The following COL24A1 variants were observed in gnomAD, a reference collection of about 807,000 sequenced individuals.
COL24A1 encodes collagen alpha-1(XXIV) chain.
COL24A1 carries 224 observed loss-of-function variants against 253.9 expected under a neutral mutation model. The ratio of observed to expected loss-of-function variants is 0.88; its 90% CI spans 0.79 to 0.99. The LOEUF is 0.99. Among genes scored for constraint, COL24A1 ranks in the 50% least tolerant of loss-of-function variants. The probability of loss-of-function intolerance (pLI) is 0.00; values close to 1 mark genes in which losing one functional copy is unlikely to be tolerated. For missense variants in COL24A1, 2,131 were observed against 2,068.5 expected, an observed-to-expected ratio of 1.03 and a Z score of -0.59; for synonymous variants, 685 against 673.7, an observed-to-expected ratio of 1.02 and a Z score of -0.26.
chr1:85,858,063 C>G (rs1678659603), intron 37 of COL24A1, among the ~76,000 whole-genome samples: 1 of 152,208 alleles, frequency 6.6e-6, no homozygotes, highest in Admixed American at 6.5e-5. Context: ...TAAAATATGT[C>G]TTGAATCTGA....
At chr1:85,740,246 C>G (rs1664460454) in intron 57 of COL24A1, among the ~76,000 whole-genome samples, 1 of 152,134 alleles carries the variant, frequency 6.6e-6, no homozygotes, top group African/African-American at 2.4e-5. Context: ...AGCTGCTAGA[C>G]AGTAATATGG....
intron 5 of COL24A1, among the ~76,000 whole-genome samples, chr1:86,111,209 C>A (rs150946326): frequency 6.9e-6 from 1 of 143,970 alleles, no homozygotes; most frequent in South Asian, 2.3e-4. Context: ...GTGTCTAGCT[C>A]GGGGTTTGTG....
intron 7 of COL24A1, among the ~76,000 whole-genome samples, chr1:86,074,105 C>T (rs1702071767): frequency 6.6e-6 from 1 of 152,178 alleles, no homozygotes; most frequent in Non-Finnish European, 1.5e-5. Context: ...CAAATTCACA[C>T]ATAACAATAT....
intron 24 of COL24A1, among the ~76,000 whole-genome samples, chr1:85,937,111 G>A (rs748209047): frequency 1.4e-5 from 2 of 147,486 alleles, no homozygotes; most frequent in Non-Finnish European, 3.0e-5. Flanking sequence ...GATCCCTTAC[G>A]ACCAGCTGTC....
chr1:86,009,102 T>C (rs944041193), intron 19 of COL24A1, among the ~76,000 whole-genome samples: 1 of 152,156 alleles, frequency 6.6e-6, no homozygotes, highest in East Asian at 1.9e-4. Context: ...TTAATGAAGC[T>C]AGATAGATTG....
Position 85,784,283 on chromosome 1 carries a change from T to C in COL24A1, c.4143A>G (p.Gly1381=). The change falls in exon 49 of 60, where the codon GGA becomes GGG. Residue 1381 remains glycine, a synonymous_variant. Coordinates refer to ENST00000370571, the MANE Select transcript of COL24A1 (RefSeq NM_152890.7). ...CAGGCTGCCCTTTCAGGCCAGGGTC[T>C]CCACATGGTCCTTGATCACCTTGTG... ...RGAQGDQGPC[G]DPGLKGQPGE... is the part of the protein sequence containing the mutation. The C allele has an allele frequency of 6.2e-7, 1 of 1,614,092 alleles. No homozygotes were observed. The highest frequency in any genetic ancestry group is 8.5e-7 in the Non-Finnish European group (1 of 1,179,968).
chr1:86,131,470 G>C (rs542325511), intron 2 of COL24A1, among the ~76,000 whole-genome samples: 3 of 151,532 alleles, frequency 2.0e-5, no homozygotes, highest in Non-Finnish European at 2.9e-5. Context: ...CCATTAACTC[G>C]TCATTAACAT....
At chr1:85,815,651 T>C (rs975915538) in intron 47 of COL24A1, among the ~76,000 whole-genome samples, 39 of 152,032 alleles carry the variant, frequency 2.6e-4, no homozygotes, top group African/African-American at 7.0e-4. Context: ...AGAATATTAA[T>C]TTGTATTTAA....
chr1:86,056,237 G>A (rs1267033353), intron 10 of COL24A1, among the ~76,000 whole-genome samples: 2 of 152,010 alleles, frequency 1.3e-5, no homozygotes, highest in Non-Finnish European at 2.9e-5. Flanking sequence ...AAAAGTACAT[G>A]ACTTTTCCTC....
At chr1:86,022,653 A>G in intron 16 of COL24A1, 62 bp from the exon 17 acceptor site, 3 of 1,501,600 alleles carry the variant, frequency 2.0e-6, no homozygotes, top group South Asian at 1.2e-5. Flanking sequence ...TATTATAAGA[A>G]AGCAAATATT....
chr1:86,101,098 G>GCTA (rs1704412749), intron 5 of COL24A1, among the ~76,000 whole-genome samples: 1 of 152,066 alleles, frequency 6.6e-6, no homozygotes, highest in Admixed American at 6.6e-5. Context: ...AAGTCTTATA[G>GCTA]GACTCAGTGT....
intron 3 of COL24A1, 114 bp from the exon 4 acceptor site, chr1:86,115,492 C>A: frequency 1.0e-6 from 1 of 968,058 alleles, no homozygotes. Context: ...CAGTTCCCAG[C>A]TGGTGATGAT....
At chr1:85,897,682 T>C (rs1457557687) in intron 28 of COL24A1, among the ~76,000 whole-genome samples, 4 of 152,238 alleles carry the variant, frequency 2.6e-5, no homozygotes, top group Admixed American at 2.6e-4. Flanking sequence ...CATTAAATTA[T>C]AACTTTCTTT....
chr1:86,039,189 T>C (rs1376254672), intron 12 of COL24A1, among the ~76,000 whole-genome samples: 3 of 152,158 alleles, frequency 2.0e-5, no homozygotes, highest in African/African-American at 7.2e-5. Context: ...GTTTCTCTGT[T>C]GCCTGGGTCT....
chr1:85,876,669 A>G (rs890714859), intron 33 of COL24A1, among the ~76,000 whole-genome samples: 13 of 152,226 alleles, frequency 8.5e-5, no homozygotes, highest in Non-Finnish European at 1.5e-4. Context: ...AGGAGAGAGC[A>G]GTTTCACAGC....
chr1:85,907,104 A>C, intron 28 of COL24A1, 90 bp downstream of exon 28: 1 of 988,344 alleles, frequency 1.0e-6, no homozygotes, highest in Non-Finnish European at 1.6e-6. Context: ...AGAATTCTAG[A>C]AGGTATGATG....
chr1:85,999,816 T>C (rs77881764), intron 19 of COL24A1, among the ~76,000 whole-genome samples: 2,096 of 152,248 alleles, frequency 0.014, 48 homozygotes, highest in African/African-American at 0.048. Context: ...AATAGAACTT[T>C]GGTTGGTTCA....
chr1:85,974,179 AG>A (rs1692438382), intron 20 of COL24A1, among the ~76,000 whole-genome samples: 1 of 152,156 alleles, frequency 6.6e-6, no homozygotes, highest in African/African-American at 2.4e-5. Flanking sequence ...TCAAGCAGAT[AG>A]AGACCACAAG....
chr1:85,784,811 G>A (rs1669513749), intron 48 of COL24A1, among the ~76,000 whole-genome samples: 2 of 151,930 alleles, frequency 1.3e-5, no homozygotes. Context: ...GCTTACTGCA[G>A]CCTTAAACTC....
Sources: allele counts gnomAD v4.1 joint callset (sites outside exome capture counted in the v4.1 genomes callset), GRCh38; gene constraint gnomAD v4.1.1; transcripts MANE v1.5; gene names NCBI Gene and HGNC (gene_info 2026-07-23, HGNC 2026-07-21).